TAFA2: variants seen among roughly 807,000 people sequenced by gnomAD.
TAFA2 encodes the protein chemokine-like protein TAFA-2.
TAFA2 carries 7 observed loss-of-function variants against 18.8 expected under a neutral mutation model. The ratio of observed to expected loss-of-function variants is 0.37; its 90% CI spans 0.21 to 0.70. TAFA2 has a LOEUF of 0.70. Among genes scored for constraint, TAFA2 ranks in the 30% least tolerant of loss-of-function variants. TAFA2 has a pLI of 0.53. For missense variants in TAFA2, 122 were observed against 158.1 expected (o/e 0.77, Z 1.23); for synonymous variants, 60 against 54.2 (o/e 1.11, Z -0.47).
At chr12:61,871,116 G>A (rs755748137) in intron 1 of TAFA2, among the ~76,000 whole-genome samples, 6 of 151,984 alleles carry the variant, frequency 3.9e-5, no homozygotes, top group Admixed American at 6.6e-5. Flanking sequence ...AGAGTCGGGG[G>A]GGCATGCAAC....
intron 1 of TAFA2, among the ~76,000 whole-genome samples, chr12:62,125,666 C>T (rs1018859422): frequency 6.7e-5 from 10 of 149,490 alleles, no homozygotes; most frequent in African/African-American, 2.4e-4. Flanking sequence ...AGATAACTCC[C>T]GCAGATATTT....
chr12:61,900,419 A>G (rs932677885), intron 1 of TAFA2, among the ~76,000 whole-genome samples: 1 of 152,222 alleles, frequency 6.6e-6, no homozygotes, highest in Non-Finnish European at 1.5e-5. Flanking sequence ...TCAGTCCATT[A>G]TCATGCTGCT....
intron 1 of TAFA2, among the ~76,000 whole-genome samples, chr12:62,084,184 C>T (rs1435675035): frequency 6.6e-6 from 1 of 152,128 alleles, no homozygotes; most frequent in Non-Finnish European, 1.5e-5. Flanking sequence ...TTTTACATTC[C>T]TTTTCCTCCT....
At chr12:62,029,461 T>C (rs1478459425) in intron 1 of TAFA2, among the ~76,000 whole-genome samples, 2 of 152,202 alleles carry the variant, frequency 1.3e-5, no homozygotes, top group African/African-American at 4.8e-5. Context: ...TAGCAGGTTG[T>C]CTGCTTGCAG....
At chr12:62,198,966 G>A (rs928501629) in intron 1 of TAFA2, among the ~76,000 whole-genome samples, 1 of 152,140 alleles carries the variant, frequency 6.6e-6, no homozygotes, top group African/African-American at 2.4e-5. Flanking sequence ...ACATGTAGTA[G>A]GCAAATATAA....
chr12:62,097,337 A>G (rs1868995918), intron 1 of TAFA2, among the ~76,000 whole-genome samples: 1 of 152,164 alleles, frequency 6.6e-6, no homozygotes, highest in Non-Finnish European at 1.5e-5. Flanking sequence ...CTAAGGCCTA[A>G]CAGATAAATA....
chr12:62,118,840 T>G (rs1247796260), intron 1 of TAFA2, among the ~76,000 whole-genome samples: 1 of 152,166 alleles, frequency 6.6e-6, no homozygotes. Flanking sequence ...TTTGTGCTCT[T>G]AACACCAATC....
chr12:61,854,163 A>AG (rs1873792255), intron 2 of TAFA2, among the ~76,000 whole-genome samples: 2 of 152,204 alleles, frequency 1.3e-5, no homozygotes, highest in African/African-American at 4.8e-5. Context: ...AAATCTTAGA[A>AG]GGAGAGACTA....
chr12:61,784,169 G>C (rs1272259772), intron 2 of TAFA2, among the ~76,000 whole-genome samples: 2 of 151,554 alleles, frequency 1.3e-5, no homozygotes, highest in Non-Finnish European at 3.0e-5. Flanking sequence ...TGGATAGTTA[G>C]AAATAAGACC....
intron 1 of TAFA2, among the ~76,000 whole-genome samples, chr12:62,235,977 G>A (rs982963870): frequency 4.0e-5 from 6 of 150,852 alleles, no homozygotes; most frequent in Admixed American, 1.3e-4. Flanking sequence ...AACTTCTGTC[G>A]CAAAGAAAAT....
intron 1 of TAFA2, among the ~76,000 whole-genome samples, chr12:61,876,028 T>C (rs1228623748): frequency 6.6e-6 from 1 of 152,212 alleles, no homozygotes; most frequent in Non-Finnish European, 1.5e-5. Flanking sequence ...TTATATATGG[T>C]AAAAAGAGAG....
intron 2 of TAFA2, among the ~76,000 whole-genome samples, chr12:61,794,189 G>A (rs1186837528): frequency 1.3e-5 from 2 of 151,980 alleles, no homozygotes; most frequent in South Asian, 2.1e-4. Flanking sequence ...TTTACTGGTA[G>A]TTCTAACTAG....
intron 1 of TAFA2, among the ~76,000 whole-genome samples, chr12:61,910,049 C>T (rs1876533070): frequency 6.6e-6 from 1 of 151,706 alleles, no homozygotes; most frequent in Non-Finnish European, 1.5e-5. Context: ...AAAAACAAGG[C>T]CCCAAAAGAG....
chr12:61,747,925 T>G (rs1039508034), intron 4 of TAFA2, among the ~76,000 whole-genome samples: 4 of 151,720 alleles, frequency 2.6e-5, no homozygotes, highest in Non-Finnish European at 5.9e-5. Flanking sequence ...ATAAAAATAT[T>G]TAAAATTAAA....
chr12:61,912,079 A>C (rs1379024688), intron 1 of TAFA2, among the ~76,000 whole-genome samples: 1 of 152,188 alleles, frequency 6.6e-6, no homozygotes, highest in African/African-American at 2.4e-5. Context: ...GTTTTATGTC[A>C]CTTAAACTTC....
intron 1 of TAFA2, among the ~76,000 whole-genome samples, chr12:62,184,499 A>ATTATTTTTTTTT (rs770289214): frequency 2.9e-5 from 1 of 34,038 alleles, no homozygotes; most frequent in Non-Finnish European, 5.9e-5. Flanking sequence ...GAAAAAAAAA[A>ATTATTTTTTTTT]TTCTTTTTTT....
intron 1 of TAFA2, among the ~76,000 whole-genome samples, chr12:62,181,701 T>A (rs2062552628): frequency 6.6e-6 from 1 of 152,196 alleles, no homozygotes; most frequent in Non-Finnish European, 1.5e-5. Context: ...TGAACTGAGC[T>A]TGTGACATGA....
chr12:61,784,979 C>T (rs1870667072), intron 2 of TAFA2, among the ~76,000 whole-genome samples: 1 of 151,476 alleles, frequency 6.6e-6, no homozygotes, highest in Admixed American at 6.6e-5. Flanking sequence ...CAATATCCTC[C>T]TTCTAGCTAT....
chr12:61,861,316 C>T (rs887070486), intron 2 of TAFA2, among the ~76,000 whole-genome samples: 9 of 147,400 alleles, frequency 6.1e-5, no homozygotes, highest in African/African-American at 2.3e-4. Context: ...GGCTGGAGTG[C>T]AATGGCATGA....
Sources: allele counts gnomAD v4.1 joint callset (sites outside exome capture counted in the v4.1 genomes callset), GRCh38; gene constraint gnomAD v4.1.1; transcripts MANE v1.5; gene names NCBI Gene and HGNC (gene_info 2026-07-23, HGNC 2026-07-21).